Variants in WDR7 observed in about 807,000 individuals in gnomAD.
WDR7 encodes the protein WD repeat-containing protein 7.
WDR7 carries 46 observed loss-of-function variants against 169.4 expected under a neutral mutation model. The observed-to-expected ratio is 0.27, with a 90% confidence interval of 0.21 to 0.35. The LOEUF (loss-of-function observed/expected upper bound fraction) is 0.35, where lower values mean the gene tolerates loss of function less well. Among genes scored for constraint, WDR7 ranks in the 10% least tolerant of loss-of-function variants. The pLI is 1.00. For missense variants in WDR7, 1,534 were observed against 1,859.3 expected (o/e 0.83, Z 3.22); for synonymous variants, 612 against 666.8 (o/e 0.92, Z 1.27).
At chr18:56,975,755 G>T (rs745536139) in intron 26 of WDR7, among the ~76,000 whole-genome samples, 2 of 152,194 alleles carry the variant, frequency 1.3e-5, no homozygotes, top group African/African-American at 2.4e-5. Flanking sequence ...AGTGGAGACT[G>T]TGGCACACCG....
intron 20 of WDR7, among the ~76,000 whole-genome samples, chr18:56,830,785 C>T (rs1227587045): frequency 6.6e-6 from 1 of 152,218 alleles, no homozygotes; most frequent in Admixed American, 6.5e-5. Flanking sequence ...CGGCTCACTG[C>T]AACCTCTGTC....
At chr18:56,865,829 GA>G (rs2045875937) in intron 20 of WDR7, among the ~76,000 whole-genome samples, 1 of 151,988 alleles carries the variant, frequency 6.6e-6, no homozygotes, top group Admixed American at 6.6e-5. Flanking sequence ...ATGCTTGATA[GA>G]ATATCTCTTC....
At chr18:56,831,475 C>G in intron 20 of WDR7, among the ~76,000 whole-genome samples, 1 of 152,100 alleles carries the variant, frequency 6.6e-6, no homozygotes, top group East Asian at 1.9e-4. Context: ...TTCCAGCTGG[C>G]AGGGGCCCGA....
chr18:57,026,139 C>G (rs72930672), intron 27 of WDR7, among the ~76,000 whole-genome samples: 1 of 152,280 alleles, frequency 6.6e-6, no homozygotes, highest in Non-Finnish European at 1.5e-5. Flanking sequence ...GACTCAGTTG[C>G]TTAGGAAACA....
chr18:56,743,330 T>C (rs1034761639), intron 14 of WDR7, among the ~76,000 whole-genome samples: 1 of 152,188 alleles, frequency 6.6e-6, no homozygotes, highest in African/African-American at 2.4e-5. Context: ...AAGATGGTTC[T>C]TAATACTGTG....
intron 16 of WDR7, among the ~76,000 whole-genome samples, chr18:56,763,987 A>G (rs868545478): frequency 6.6e-6 from 1 of 151,662 alleles, no homozygotes; most frequent in African/African-American, 2.4e-5. Flanking sequence ...AATTTTATGG[A>G]TCTTTTCAAA....
intron 25 of WDR7, among the ~76,000 whole-genome samples, chr18:56,942,853 A>G (rs1289149193): frequency 1.3e-5 from 2 of 152,232 alleles, no homozygotes; most frequent in African/African-American, 4.8e-5. Context: ...ATTTTATGAA[A>G]CATCAGATTT....
intron 14 of WDR7, among the ~76,000 whole-genome samples, chr18:56,754,285 G>A (rs1006962500): frequency 3.6e-4 from 48 of 131,540 alleles, no homozygotes; most frequent in African/African-American, 9.3e-4. Flanking sequence ...GTGTGTGTGT[G>A]TATATGTGTG....
intron 19 of WDR7, among the ~76,000 whole-genome samples, chr18:56,785,026 G>T (rs982589328): frequency 6.6e-6 from 1 of 152,008 alleles, no homozygotes; most frequent in African/African-American, 2.4e-5. Flanking sequence ...CATTGACTGA[G>T]TGTTAAACTC....
intron 1 of WDR7, among the ~76,000 whole-genome samples, chr18:56,663,775 G>A (rs1424184256): frequency 6.6e-6 from 1 of 151,650 alleles, no homozygotes; most frequent in African/African-American, 2.4e-5. Context: ...TTGAACTTTT[G>A]TATATTTGAG....
rs75109644 is a variant in WDR7 at position 56,782,765 on chromosome 18, T to C, written c.3190+1109T>C. 2.3e-4 allele frequency among the ~76,000 whole-genome samples: 35 copies of C among 152,300 alleles called. 1 individual carries two copies. In the East Asian group the frequency reaches 5.6e-3, roughly 24 times the overall value. On this transcript the variant is annotated intron_variant, in intron 19 of 27. Coordinates refer to ENST00000254442, the MANE Select transcript of WDR7 (RefSeq NM_015285.3). ...AAAGGTTTATAACTTTTATATCTGG[T>C]TTAAACTCTACCAGATCTTTGCCAG...
At chr18:56,654,548 G>A (rs573011997) in intron 1 of WDR7, among the ~76,000 whole-genome samples, 4 of 152,050 alleles carry the variant, frequency 2.6e-5, no homozygotes, top group South Asian at 2.1e-4. Context: ...GTTGATTTGC[G>A]GACATTTCTT....
At chr18:56,673,869 C>A (rs771460912) in intron 2 of WDR7, among the ~76,000 whole-genome samples, 7 of 151,842 alleles carry the variant, frequency 4.6e-5, no homozygotes, top group Non-Finnish European at 1.0e-4. Flanking sequence ...CCCTAGACCA[C>A]CACTAATCTA....
intron 26 of WDR7, among the ~76,000 whole-genome samples, chr18:56,980,271 C>T (rs1202458696): frequency 6.6e-6 from 1 of 152,190 alleles, no homozygotes; most frequent in Non-Finnish European, 1.5e-5. Flanking sequence ...CTTCTTAGAA[C>T]AGCCCCTGCA....
At chr18:56,769,304 C>T (rs1293590283) in intron 16 of WDR7, among the ~76,000 whole-genome samples, 1 of 151,494 alleles carries the variant, frequency 6.6e-6, no homozygotes. Context: ...ACCGCAGCCT[C>T]GACTTCCAGT....
intron 20 of WDR7, among the ~76,000 whole-genome samples, chr18:56,837,680 A>G (rs2045416168): frequency 6.6e-6 from 1 of 152,134 alleles, no homozygotes; most frequent in Non-Finnish European, 1.5e-5. Flanking sequence ...TTTTTTTGAG[A>G]CGGAGTTTCG....
intron 20 of WDR7, among the ~76,000 whole-genome samples, chr18:56,843,374 A>G (rs1473558276): frequency 2.0e-5 from 3 of 152,150 alleles, no homozygotes; most frequent in African/African-American, 7.2e-5. Flanking sequence ...CTAACTTCCC[A>G]TTCTTTCCTG....
At chr18:56,762,874 C>A (rs2043999263) in intron 16 of WDR7, among the ~76,000 whole-genome samples, 1 of 148,074 alleles carries the variant, frequency 6.8e-6, no homozygotes, top group African/African-American at 2.5e-5. Context: ...ATCTTTTGTC[C>A]AATTTTTCTT....
intron 25 of WDR7, among the ~76,000 whole-genome samples, chr18:56,952,574 CAATT>C (rs1358178250): frequency 1.3e-5 from 2 of 152,114 alleles, no homozygotes; most frequent in Non-Finnish European, 2.9e-5. Flanking sequence ...ACAAAGAACT[CAATT>C]AATATGGAAA....
Sources: gnomAD v4.1 joint callset for allele counts (sites outside exome capture counted in the v4.1 genomes callset) on GRCh38, gnomAD v4.1.1 for gene constraint, MANE v1.5 for transcripts, NCBI Gene and HGNC (gene_info 2026-07-23, HGNC 2026-07-21) for gene names.